Variants in EPB41 observed in about 807,000 individuals in gnomAD.
EPB41 encodes erythrocyte membrane protein band 4.1.
EPB41 carries 65 observed loss-of-function variants against 108.0 expected under a neutral mutation model. The ratio of observed to expected loss-of-function variants is 0.60; its 90% CI spans 0.49 to 0.74. The LOEUF is 0.74. Among genes scored for constraint, EPB41 ranks in the 30% least tolerant of loss-of-function variants. The pLI, the probability that EPB41 is intolerant of heterozygous loss-of-function variation, is 0.00. For synonymous variants in EPB41, 336 were observed against 358.9 expected, an observed-to-expected ratio of 0.94 and a Z score of 0.72; for missense variants, 875 against 1,037.0, an observed-to-expected ratio of 0.84 and a Z score of 2.15.
chr1:29,040,140 G>A (rs1303308190), intron 11 of EPB41, among the ~76,000 whole-genome samples: 1 of 152,086 alleles, frequency 6.6e-6, no homozygotes, highest in African/African-American at 2.4e-5. Context: ...GGTGGAGGCT[G>A]CAGTGTGCAC....
At chr1:29,056,789 G>A (rs1241835460) in intron 12 of EPB41, among the ~76,000 whole-genome samples, 2 of 152,028 alleles carry the variant, frequency 1.3e-5, no homozygotes, top group Non-Finnish European at 2.9e-5. Context: ...GCCTCCCAAA[G>A]TGCTGAGATT....
At chr1:28,895,316 T>C (rs181762704) in intron 1 of EPB41, among the ~76,000 whole-genome samples, 360 of 152,148 alleles carry the variant, frequency 2.4e-3, no homozygotes, top group Non-Finnish European at 3.7e-3. Flanking sequence ...TATGCTATTT[T>C]AGACACATTA....
chr1:29,017,081 A>G (rs1445333781), intron 6 of EPB41, among the ~76,000 whole-genome samples: 1 of 152,102 alleles, frequency 6.6e-6, no homozygotes, highest in Non-Finnish European at 1.5e-5. Context: ...TCCTTTGGTT[A>G]TTTCTTTTTC....
chr1:29,044,149 G>C lies in EPB41; in HGVS notation c.1636+4723G>C, dbSNP rs535044910. Among the ~76,000 whole-genome samples, 5 of 152,244 alleles carry C rather than the reference G, an allele frequency of 3.3e-5. No homozygotes were observed. In the South Asian group the frequency reaches 1.0e-3, roughly 32 times the overall value. ...TGTCCAGTAAATCACCTTACTTCTA[G>C]TTTACCTTATGTGTGGGGAATTATC... is the stretch of plus-strand genomic sequence containing the variant. On this transcript the variant is annotated intron_variant, in intron 11 of 20. Coordinates refer to ENST00000343067, the MANE Select transcript of EPB41 (RefSeq NM_001376013.1).
At chr1:28,915,940 G>A (rs1224359100) in intron 1 of EPB41, among the ~76,000 whole-genome samples, 1 of 151,624 alleles carries the variant, frequency 6.6e-6, no homozygotes, top group African/African-American at 2.4e-5. Context: ...AATTTTAGTT[G>A]GTTTGATCCC....
At chr1:28,914,975 G>A (rs1212121902) in intron 1 of EPB41, among the ~76,000 whole-genome samples, 1 of 152,074 alleles carries the variant, frequency 6.6e-6, no homozygotes, top group Non-Finnish European at 1.5e-5. Context: ...AGGAGCGAGG[G>A]GCGGGCCAGA....
At chr1:28,940,523 G>A (rs2094236720) in intron 1 of EPB41, among the ~76,000 whole-genome samples, 2 of 152,078 alleles carry the variant, frequency 1.3e-5, no homozygotes, top group African/African-American at 4.8e-5. Context: ...GTGGTGGCGG[G>A]CGCCTGTAAT....
chr1:28,938,197 T>G (rs1466823181), intron 1 of EPB41, among the ~76,000 whole-genome samples: 1 of 152,184 alleles, frequency 6.6e-6, no homozygotes, highest in Admixed American at 6.5e-5. Context: ...CCCTTGTATT[T>G]CCATATGAAT....
intron 16 of EPB41, among the ~76,000 whole-genome samples, chr1:29,081,353 T>C (rs992221823): frequency 6.6e-6 from 1 of 152,186 alleles, no homozygotes; most frequent in Non-Finnish European, 1.5e-5. Context: ...CTCTTCAGTA[T>C]TGCCACTCTA....
At position 29,018,556 on chromosome 1, in the gene EPB41, G is replaced by A; in HGVS notation, c.1124+114G>A. 2.8e-6 allele frequency: 3 copies of A among 1,088,128 alleles called. No homozygotes were observed. The highest frequency in any genetic ancestry group is 4.2e-6 in the Non-Finnish European group (3 of 714,948). The allele number at this position is 1,088,128 out of a possible 1,614,324, so 67.4% of individuals were successfully genotyped here. A position where few individuals can be genotyped will look rare whatever the true frequency, so the allele number is the denominator to read the frequency against. On this transcript the variant is annotated intron_variant, in intron 7 of 20. Transcript: ENST00000343067. This position sits in a 1 kb window ranked among gnomAD's most constrained non-coding sequence, Gnocchi z 4.4. ...GATCATGGTGCCATAGAAAGAGTCAGTTTCCTCCACTGTTTGACTTTGGGC... is the reference window on the plus strand; with the variant it reads ...GATCATGGTGCCATAGAAAGAGTCAATTTCCTCCACTGTTTGACTTTGGGC...
intron 11 of EPB41, among the ~76,000 whole-genome samples, chr1:29,047,359 C>T (rs1245189365): frequency 6.7e-6 from 1 of 150,054 alleles, no homozygotes; most frequent in Non-Finnish European, 1.5e-5. Flanking sequence ...AAATGATCCT[C>T]CCACCTCAGC....
chr1:29,004,677 T>A (rs10429865), intron 4 of EPB41, among the ~76,000 whole-genome samples: 1 of 152,026 alleles, frequency 6.6e-6, no homozygotes, highest in Non-Finnish European at 1.5e-5. Context: ...GGTCAACACC[T>A]CTAATGAATT....
chr1:28,920,793 T>G (rs2093016031), intron 1 of EPB41, among the ~76,000 whole-genome samples: 3 of 152,050 alleles, frequency 2.0e-5, no homozygotes. Flanking sequence ...GCTCCACACC[T>G]GGCTGATTTT....
At chr1:29,086,871 A>C (rs1659166351) in intron 16 of EPB41, among the ~76,000 whole-genome samples, 1 of 151,748 alleles carries the variant, frequency 6.6e-6, no homozygotes, top group Non-Finnish European at 1.5e-5. Context: ...ATTTTAGAAA[A>C]ATTTTCAGGA....
At chr1:28,958,462 G>T (rs545874440) in intron 1 of EPB41, among the ~76,000 whole-genome samples, 33 of 149,540 alleles carry the variant, frequency 2.2e-4, no homozygotes, top group Non-Finnish European at 3.7e-4. Context: ...AAAAAATTGT[G>T]TGTTACCTTT....
intron 11 of EPB41, among the ~76,000 whole-genome samples, chr1:29,050,617 A>G (rs971318664): frequency 6.6e-6 from 1 of 152,200 alleles, no homozygotes; most frequent in Non-Finnish European, 1.5e-5. Context: ...AGTTATTACT[A>G]CTAACCCAGT....
intron 11 of EPB41, among the ~76,000 whole-genome samples, chr1:29,039,683 A>C (rs1052831019): frequency 1.3e-5 from 2 of 152,046 alleles, no homozygotes; most frequent in Non-Finnish European, 2.9e-5. Flanking sequence ...GCGTGGCGGC[A>C]TATGCCTGTA....
In EPB41 at chr1:29,015,776, G is replaced by A. The variant is rs750696378; in HGVS notation, c.905+9G>A. On this transcript the variant is annotated intron_variant, in intron 6 of 20. Coordinates refer to ENST00000343067, the MANE Select transcript of EPB41 (RefSeq NM_001376013.1). ...ACAGAAGACATAACAAGGTAAATAA[G>A]TAATAGTTAAATATGTAATTTATCA... is the stretch of plus-strand genomic sequence containing the variant. 3 of 1,534,790 alleles carry A rather than the reference G, an allele frequency of 2.0e-6. No individual in the cohort carries two copies. Among genetic ancestry groups the A allele is most frequent in the Admixed American group, 1.7e-5 (1 of 59,788 alleles).
At chr1:28,968,250 G>A (rs2095410256) in intron 1 of EPB41, among the ~76,000 whole-genome samples, 1 of 151,870 alleles carries the variant, frequency 6.6e-6, no homozygotes, top group Non-Finnish European at 1.5e-5. Context: ...AGCTACTCGG[G>A]AGGCTGAGGC....
Sources: gnomAD v4.1 joint callset for allele counts (sites outside exome capture counted in the v4.1 genomes callset) on GRCh38, gnomAD v4.1.1 for gene constraint, Gnocchi (gnomAD v3.1) non-coding constraint, MANE v1.5 for transcripts, NCBI Gene and HGNC (gene_info 2026-07-23, HGNC 2026-07-21) for gene names.